Variants in KLF12 observed in about 807,000 individuals in gnomAD.
KLF12 encodes Krueppel-like factor 12.
KLF12 carries 9 observed loss-of-function variants against 37.8 expected under a neutral mutation model. The ratio of observed to expected loss-of-function variants is 0.24; its 90% CI spans 0.14 to 0.42. The LOEUF is 0.42. Among genes scored for constraint, KLF12 ranks in the 10% least tolerant of loss-of-function variants. The pLI is 1.00. For synonymous variants in KLF12, 208 were observed against 202.1 expected, an observed-to-expected ratio of 1.03 and a Z score of -0.25; for missense variants, 411 against 516.0, an observed-to-expected ratio of 0.80 and a Z score of 1.97.
chr13:74,117,958 A>T (rs1877405317), intron 1 of KLF12, among the ~76,000 whole-genome samples: 1 of 152,240 alleles, frequency 6.6e-6, no homozygotes, highest in African/African-American at 2.4e-5. Flanking sequence ...AAGAGAAAGT[A>T]GACATTAATG....
intron 7 of KLF12, among the ~76,000 whole-genome samples, chr13:73,705,735 G>A (rs1363794848): frequency 6.6e-6 from 1 of 152,200 alleles, no homozygotes; most frequent in Admixed American, 6.5e-5. Flanking sequence ...GGCAGAATGA[G>A]AGAAAGTAGA....
intron 3 of KLF12, among the ~76,000 whole-genome samples, chr13:73,876,550 C>A (rs1159461925): frequency 6.6e-6 from 1 of 152,184 alleles, no homozygotes; most frequent in African/African-American, 2.4e-5. Flanking sequence ...CTGAAGCAGA[C>A]AGGAACTCTT....
At chr13:73,983,192 T>C (rs1891733887) in intron 2 of KLF12, among the ~76,000 whole-genome samples, 1 of 152,186 alleles carries the variant, frequency 6.6e-6, no homozygotes, top group Non-Finnish European at 1.5e-5. Flanking sequence ...CAGGGTTTCC[T>C]AGTCCTGTAC....
chr13:73,931,373 C>T (rs1359114032), intron 3 of KLF12, among the ~76,000 whole-genome samples: 1 of 152,126 alleles, frequency 6.6e-6, no homozygotes, highest in Non-Finnish European at 1.5e-5. Context: ...CTCTCAGACA[C>T]ATTTCTACAG....
Position 73,870,535 on chromosome 13 carries a change from G to A in KLF12, c.124-24162C>T, listed in dbSNP as rs1300791845. 7.2e-5 allele frequency among the ~76,000 whole-genome samples: 11 copies of A among 152,166 alleles called. No homozygotes were observed. The East Asian group carries it at 7.7e-4, about 11-fold the overall frequency. On this transcript the variant is annotated intron_variant, in intron 3 of 7. Transcript: ENST00000377669. ...AAGTACTTAAAGGTAACTGCCAGAC[G>A]GATGTGCATGTGTGTGTGTTTACAT...
In KLF12 at chr13:73,688,395, G is replaced by T. The variant is rs1048281521; in HGVS notation, c.*7095C>A. On this transcript the variant is annotated 3_prime_UTR_variant, in exon 8 of 8. Coordinates refer to ENST00000377669, the MANE Select transcript of KLF12 (RefSeq NM_007249.5). ...ATCTCTCCTTTATCATCATCTGAAC[G>T]TTTGATTGCCACCCCATTACCAACT... 6.6e-6 allele frequency: 1 copy of T among 152,140 alleles called. No individual in the cohort carries two copies. Among genetic ancestry groups the T allele is most frequent in the Non-Finnish European group, 1.5e-5 (1 of 68,024 alleles). 9.4% of individuals were successfully genotyped at this position (152,140 alleles called of 1,614,324 possible).
At chr13:74,217,533 C>A in the KLF12 span, among the ~76,000 whole-genome samples, 241 of 152,220 alleles carry the variant, frequency 1.6e-3, 1 homozygote, top group African/African-American at 5.6e-3. Flanking sequence ...TCAAGACCAG[C>A]CTGGCCAACA....
intron 3 of KLF12, among the ~76,000 whole-genome samples, chr13:73,886,524 G>A (rs1468257363): frequency 6.6e-6 from 1 of 152,070 alleles, no homozygotes; most frequent in Non-Finnish European, 1.5e-5. Context: ...TGGATGCTGG[G>A]CCTAATACCT....
chr13:74,268,756 C>T, the KLF12 span, among the ~76,000 whole-genome samples: 1 of 152,184 alleles, frequency 6.6e-6, no homozygotes. Context: ...TGTGCTAACT[C>T]CAAACACTTC....
At chr13:73,979,761 C>T (rs2138170125) in intron 2 of KLF12, among the ~76,000 whole-genome samples, 1 of 152,158 alleles carries the variant, frequency 6.6e-6, no homozygotes, top group African/African-American at 2.4e-5. Context: ...TGAATTTTGT[C>T]CCTTCAGAAA....
At chr13:73,745,287 T>A (rs1878285291) in intron 6 of KLF12, among the ~76,000 whole-genome samples, 1 of 152,146 alleles carries the variant, frequency 6.6e-6, no homozygotes, top group South Asian at 2.1e-4. Flanking sequence ...GGGACGCTAC[T>A]CTTATCCAAT....
chr13:73,780,208 T>C (rs1880871454), intron 5 of KLF12, among the ~76,000 whole-genome samples: 1 of 152,234 alleles, frequency 6.6e-6, no homozygotes, highest in Non-Finnish European at 1.5e-5. Flanking sequence ...TTAAAAAATG[T>C]TAACTTGGAC....
rs180986888 is a variant in KLF12 at position 73,965,883 on chromosome 13, C to T, written c.34-21813G>A. On this transcript the variant is annotated intron_variant, in intron 2 of 7. Transcript: ENST00000377669. Reference sequence around the variant, plus strand: ...TTTCCAAGTTCTTCTGATGTAGCTGCTATGTAAATTAAATTAAGAGCAGGC... The same window carrying T: ...TTTCCAAGTTCTTCTGATGTAGCTGTTATGTAAATTAAATTAAGAGCAGGC... Among the ~76,000 whole-genome samples the T allele has an allele frequency of 2.1e-3, 322 of 152,210 alleles. 2 individuals carry two copies. Among genetic ancestry groups the T allele is most frequent in the African/African-American group, 7.2e-3 (297 of 41,522 alleles).
intron 1 of KLF12, among the ~76,000 whole-genome samples, chr13:74,056,672 A>C (rs1873263094): frequency 6.6e-6 from 1 of 152,254 alleles, no homozygotes; most frequent in South Asian, 2.1e-4. Flanking sequence ...TGAACTAAAA[A>C]ATGTTATTTC....
chr13:74,235,668 T>C, the KLF12 span, among the ~76,000 whole-genome samples: 1 of 152,178 alleles, frequency 6.6e-6, no homozygotes, highest in Non-Finnish European at 1.5e-5. Flanking sequence ...TTTATAATTA[T>C]CAAAAGCTAT....
At chr13:74,289,004 T>A in the KLF12 span, 1 of 152,348 alleles carries the variant, frequency 6.6e-6, no homozygotes, top group South Asian at 2.1e-4. Context: ...TCTAAGCTAC[T>A]ATTTTCTGAA....
chr13:73,861,024 T>C (rs1359124787), intron 3 of KLF12, among the ~76,000 whole-genome samples: 2 of 152,210 alleles, frequency 1.3e-5, no homozygotes, highest in African/African-American at 4.8e-5. Context: ...AAATACATTT[T>C]TTATAACTAG....
chr13:74,202,883 G>A, the KLF12 span, among the ~76,000 whole-genome samples: 1,786 of 152,178 alleles, frequency 0.012, 40 homozygotes, highest in African/African-American at 0.041. Flanking sequence ...TTTCCTAAAG[G>A]AGCACGGTAG....
At chr13:74,212,846 A>T in the KLF12 span, among the ~76,000 whole-genome samples, 3 of 152,200 alleles carry the variant, frequency 2.0e-5, no homozygotes, top group Non-Finnish European at 4.4e-5. Flanking sequence ...AACATAAATT[A>T]TGTGTTTAAA....
Sources: allele counts gnomAD v4.1 joint callset (sites outside exome capture counted in the v4.1 genomes callset), GRCh38; gene constraint gnomAD v4.1.1; transcripts MANE v1.5; gene names NCBI Gene and HGNC (gene_info 2026-07-23, HGNC 2026-07-21).